MORC3: variants seen among roughly 807,000 people sequenced by gnomAD.
MORC3 encodes MORC family CW-type zinc finger protein 3.
MORC3 carries 31 observed loss-of-function variants against 109.1 expected under a neutral mutation model. That is an observed-to-expected ratio of 0.28 (90% CI 0.21 to 0.38). The LOEUF (loss-of-function observed/expected upper bound fraction) is 0.38, where lower values mean the gene tolerates loss of function less well. MORC3 is among the 10% of genes least tolerant of loss of function. The pLI is 1.00. For synonymous variants in MORC3, 395 were observed against 380.7 expected, an observed-to-expected ratio of 1.04 and a Z score of -0.44; for missense variants, 867 against 1,135.8, an observed-to-expected ratio of 0.76 and a Z score of 3.40.
chr21:36,356,579 T>G (rs1258273757), intron 9 of MORC3, 41 bp from the exon 10 acceptor site: 2 of 1,314,846 alleles, frequency 1.5e-6, no homozygotes, highest in East Asian at 5.0e-5. Flanking sequence ...GATTTATGTT[T>G]GAAAAGAATT....
At chr21:36,331,221 G>A (rs1391456562) in intron 1 of MORC3, among the ~76,000 whole-genome samples, 2 of 152,166 alleles carry the variant, frequency 1.3e-5, no homozygotes, top group African/African-American at 4.8e-5. Flanking sequence ...CTTATTAGGA[G>A]AGAATCTGTT....
At chr21:36,362,934 A>G (rs1300344553) in intron 13 of MORC3, among the ~76,000 whole-genome samples, 2 of 152,138 alleles carry the variant, frequency 1.3e-5, no homozygotes, top group Non-Finnish European at 2.9e-5. Flanking sequence ...CAGTTAAGGA[A>G]GACATCCCAG....
At chr21:36,372,882 A>G (rs1229689390) in intron 16 of MORC3, among the ~76,000 whole-genome samples, 2 of 152,208 alleles carry the variant, frequency 1.3e-5, no homozygotes, top group African/African-American at 4.8e-5. Flanking sequence ...CTTTTACTGA[A>G]ACTCACTCCT....
At position 36,333,488 on chromosome 21, in the gene MORC3, G is replaced by A. The variant is rs778100055; in HGVS notation, c.40-158G>A. 28 of 613,854 alleles carry A rather than the reference G, an allele frequency of 4.6e-5. No individual in the cohort carries two copies. The East Asian group carries it at 5.6e-4, about 12-fold the overall frequency. 38.0% of individuals were successfully genotyped at this position (613,854 alleles called of 1,614,324 possible). A position where few individuals can be genotyped will look rare whatever the true frequency, so the allele number is the denominator to read the frequency against. Reference sequence around the variant, plus strand: ...TTCCCAGTGTTATCTTCCAAGAATCGTATATTCTAGATTGTATCTTCCAGA... The same window carrying A: ...TTCCCAGTGTTATCTTCCAAGAATCATATATTCTAGATTGTATCTTCCAGA... On this transcript the variant is annotated intron_variant, in intron 1 of 16. Transcript: ENST00000400485.
intron 1 of MORC3, among the ~76,000 whole-genome samples, chr21:36,326,283 G>A (rs1201873673): frequency 6.6e-6 from 1 of 151,880 alleles, no homozygotes. Context: ...CAGCACTTTG[G>A]GAGGCTAAGG....
Position 36,337,939 on chromosome 21 carries a change from C to T in MORC3, c.453C>T (p.Asn151=). 6.2e-7 allele frequency: 1 copy of T among 1,613,940 alleles called. No homozygotes were observed. The highest frequency in any genetic ancestry group is 1.1e-5 in the South Asian group (1 of 91,062). ...TTGTTGTTCCAATAGTGGCATTCAA[C>T]AAGCACCATATCCTTTTGGTTGTGA... ...EHVVVPIVAF[N]KHRQMINLAE... The change falls in exon 4 of 17, where the codon AAC becomes AAT. Residue 151 remains asparagine (N), a synonymous_variant. Transcript: ENST00000400485.
At chr21:36,327,152 T>C (rs913852654) in intron 1 of MORC3, among the ~76,000 whole-genome samples, 1 of 116,526 alleles carries the variant, frequency 8.6e-6, no homozygotes, top group African/African-American at 3.1e-5. Context: ...ATTGGCTTTA[T>C]TTCTTTTTTT....
At chr21:36,351,136 T>C (rs747356464) in intron 9 of MORC3, among the ~76,000 whole-genome samples, 10 of 148,930 alleles carry the variant, frequency 6.7e-5, no homozygotes, top group Non-Finnish European at 1.5e-4. Flanking sequence ...CCCCAGGTCT[T>C]AGCTTATTGC....
At chr21:36,329,647 A>G (rs2085291496) in intron 1 of MORC3, among the ~76,000 whole-genome samples, 1 of 152,196 alleles carries the variant, frequency 6.6e-6, no homozygotes. Flanking sequence ...TTAATCTGAA[A>G]GACTAGTTCA....
At chr21:36,342,639 A>G (rs2085462029) in intron 6 of MORC3, among the ~76,000 whole-genome samples, 1 of 152,062 alleles carries the variant, frequency 6.6e-6, no homozygotes, top group African/African-American at 2.4e-5. Flanking sequence ...CTTGGTCTCA[A>G]GTGATCCACC....
At chr21:36,346,452 G>A (rs1415079454) in intron 8 of MORC3, among the ~76,000 whole-genome samples, 3 of 152,150 alleles carry the variant, frequency 2.0e-5, no homozygotes, top group African/African-American at 7.2e-5. Flanking sequence ...AGTGCTTCGT[G>A]TGGCTGAGGT....
chr21:36,351,519 A>T (rs972441443), intron 9 of MORC3, among the ~76,000 whole-genome samples: 2 of 152,202 alleles, frequency 1.3e-5, no homozygotes, highest in African/African-American at 4.8e-5. Flanking sequence ...TATGGATGAG[A>T]ACATGAGATA....
chr21:36,325,252 A>G (rs754582690), intron 1 of MORC3, among the ~76,000 whole-genome samples: 6 of 152,218 alleles, frequency 3.9e-5, no homozygotes, highest in Non-Finnish European at 7.3e-5. Flanking sequence ...CAAAAACAAG[A>G]TGCTATCCAG....
At position 36,372,415 on chromosome 21, in the gene MORC3, G is replaced by A. The variant is rs1309733944; in HGVS notation, c.2550G>A (p.Gln850=). The A allele has an allele frequency of 6.3e-7, 1 of 1,599,246 alleles. No homozygotes were observed. Among genetic ancestry groups the A allele is most frequent in the Non-Finnish European group, 8.5e-7 (1 of 1,176,890 alleles). ...LEMEKSQIRS[Q]CEELKTEVEQ... The stretch of plus-strand genomic sequence containing the variant: ...TGGAAAAGTCACAAATCCGTTCACA[G>A]TGTGAAGAACTCAAAACTGAAGTAG... Residue 850 remains glutamine (Q), a synonymous_variant, in exon 16 of 17, where the codon CAG becomes CAA. Coordinates refer to ENST00000400485, the MANE Select transcript of MORC3 (RefSeq NM_015358.3).
intron 14 of MORC3, among the ~76,000 whole-genome samples, chr21:36,368,780 G>A (rs1223828989): frequency 1.3e-5 from 2 of 152,182 alleles, no homozygotes; most frequent in Non-Finnish European, 2.9e-5. Context: ...AGGAGGCTGA[G>A]GCAGGAGAAT....
At position 36,338,818 on chromosome 21, in the gene MORC3, A is replaced by G. The variant is rs749080994; in HGVS notation, c.505A>G (p.Ile169Val). ...LAESKASLAA[I>V]LEHSLFSTEQ... ...AGAATCAAAAGCCAGCCTTGCTGCA[A>G]TTCTGGAACATTCTCTGTTTTCCAC... The change falls in exon 5 of 17, where the codon ATT (isoleucine) becomes GTT (valine). Residue 169 changes from isoleucine to valine, a missense_variant. Ile to Val is a conservative substitution (Grantham distance 29). Coordinates refer to ENST00000400485, the MANE Select transcript of MORC3 (RefSeq NM_015358.3). 8.7e-6 allele frequency: 14 copies of G among 1,613,930 alleles called. No individual in the cohort carries two copies. Among genetic ancestry groups the G allele is most frequent in the South Asian group, 7.7e-5 (7 of 91,074 alleles).
intron 7 of MORC3, 57 bp from the exon 8 acceptor site, chr21:36,344,855 A>C: frequency 6.2e-7 from 1 of 1,604,276 alleles, no homozygotes. Flanking sequence ...ATGAAATAGA[A>C]AGGATGATTT....
Position 36,333,733 on chromosome 21 carries a change from A to G in MORC3, c.112+15A>G, listed in dbSNP as rs754319584. 1 of 1,551,794 alleles carries G rather than the reference A, an allele frequency of 6.4e-7. No homozygotes were observed. Among genetic ancestry groups the G allele is most frequent in the Non-Finnish European group, 8.9e-7 (1 of 1,129,024 alleles). ...TGAATTAATAGGTATGTAGTTTGAC[A>G]TTTCATATACCATTTGTTGCTTACA... On this transcript the variant is annotated intron_variant, in intron 2 of 16. Coordinates refer to ENST00000400485, the MANE Select transcript of MORC3 (RefSeq NM_015358.3).
At chr21:36,355,013 G>A (rs1175249907) in intron 9 of MORC3, among the ~76,000 whole-genome samples, 1 of 152,070 alleles carries the variant, frequency 6.6e-6, no homozygotes, top group Non-Finnish European at 1.5e-5. Flanking sequence ...CACAACATGT[G>A]GACATAGCAG....
Sources: allele counts gnomAD v4.1 joint callset (sites outside exome capture counted in the v4.1 genomes callset), GRCh38; gene constraint gnomAD v4.1.1; transcripts MANE v1.5; gene names NCBI Gene and HGNC (gene_info 2026-07-23, HGNC 2026-07-21).